CLVS1: variants seen among roughly 807,000 people sequenced by gnomAD.
CLVS1 encodes clavesin-1.
In CLVS1, 10 loss-of-function variants were observed where a neutral mutation model predicts 33.1. The ratio of observed to expected loss-of-function variants is 0.30; its 90% confidence interval spans 0.19 to 0.51. The LOEUF is 0.51. Among genes scored for constraint, CLVS1 ranks in the 20% least tolerant of loss-of-function variants. The pLI, the probability that CLVS1 is intolerant of heterozygous loss-of-function variation, is 0.97. For synonymous variants in CLVS1, 163 were observed against 166.1 expected, an observed-to-expected ratio of 0.98 and a Z score of 0.14; for missense variants, 343 against 433.4, an observed-to-expected ratio of 0.79 and a Z score of 1.85.
chr8:61,163,243 G>A (rs552763758), intron 2 of CLVS1, among the ~76,000 whole-genome samples: 7 of 152,196 alleles, frequency 4.6e-5, no homozygotes, highest in East Asian at 1.9e-4. Context: ...GTCTATTTCC[G>A]GGAGTGAATT....
At chr8:61,245,206 T>C (rs997233738) in intron 2 of CLVS1, among the ~76,000 whole-genome samples, 12 of 147,912 alleles carry the variant, frequency 8.1e-5, no homozygotes, top group Non-Finnish European at 1.6e-4. Flanking sequence ...TAGAGCTGTC[T>C]TTTTTTTTTC....
intron 3 of CLVS1, among the ~76,000 whole-genome samples, chr8:61,393,576 T>C (rs951328992): frequency 6.6e-6 from 1 of 152,196 alleles, no homozygotes; most frequent in Non-Finnish European, 1.5e-5. Flanking sequence ...GCTGTCCATA[T>C]TCTTTTTTTC....
the CLVS1 span, among the ~76,000 whole-genome samples, chr8:61,014,085 G>GTTTTT: frequency 2.8e-4 from 36 of 126,796 alleles, no homozygotes; most frequent in Middle Eastern, 4.3e-3. Context: ...ACTTTTTAGT[G>GTTTTT]TTTTTTTTTT....
At chr8:61,260,899 G>C (rs940822374) in intron 2 of CLVS1, among the ~76,000 whole-genome samples, 2 of 152,156 alleles carry the variant, frequency 1.3e-5, no homozygotes, top group African/African-American at 4.8e-5. Context: ...GAAACACAAA[G>C]CTTTGCAAAC....
At chr8:61,467,437 G>A (rs909944329) in intron 5 of CLVS1, among the ~76,000 whole-genome samples, 2 of 152,188 alleles carry the variant, frequency 1.3e-5, no homozygotes, top group Non-Finnish European at 2.9e-5. Context: ...AAAAATAAAA[G>A]GGGGGACTCT....
intron 5 of CLVS1, among the ~76,000 whole-genome samples, chr8:61,483,436 T>G (rs1231811620): frequency 2.6e-5 from 4 of 152,124 alleles, no homozygotes; most frequent in Non-Finnish European, 5.9e-5. Flanking sequence ...GTTCTGAAAT[T>G]GATGCAATAA....
the CLVS1 span, among the ~76,000 whole-genome samples, chr8:60,975,106 G>GA: frequency 6.6e-6 from 1 of 152,084 alleles, no homozygotes; most frequent in Admixed American, 6.5e-5. Context: ...TTGGAATGGG[G>GA]AAAAAGGAGG....
chr8:61,083,774 G>C (rs1805069298), intron 1 of CLVS1, among the ~76,000 whole-genome samples: 2 of 152,060 alleles, frequency 1.3e-5, no homozygotes, highest in Non-Finnish European at 2.9e-5. Context: ...AAAAGATGGA[G>C]ATGGAGGAAA....
chr8:61,485,602 C>T (rs994990263), intron 5 of CLVS1, among the ~76,000 whole-genome samples: 3 of 152,174 alleles, frequency 2.0e-5, no homozygotes, highest in Non-Finnish European at 4.4e-5. Flanking sequence ...TGGGAATATA[C>T]CCAAAGGATT....
chr8:61,114,051 C>G (rs532115333), intron 1 of CLVS1, among the ~76,000 whole-genome samples: 1 of 152,246 alleles, frequency 6.6e-6, no homozygotes. Flanking sequence ...CTTGCAAAAG[C>G]AACCACAGAT....
chr8:60,967,385 C>T, the CLVS1 span, among the ~76,000 whole-genome samples: 315 of 152,304 alleles, frequency 2.1e-3, 4 homozygotes, highest in African/African-American at 7.2e-3. Flanking sequence ...AGAAAACTCA[C>T]TGGAGAAAGA....
intron 2 of CLVS1, among the ~76,000 whole-genome samples, chr8:61,273,204 C>T: frequency 6.6e-6 from 1 of 150,632 alleles, no homozygotes; most frequent in African/African-American, 2.4e-5. Flanking sequence ...AGTTTTCCTT[C>T]TAACAGACAG....
chr8:61,046,664 T>C, the CLVS1 span, among the ~76,000 whole-genome samples: 1 of 152,080 alleles, frequency 6.6e-6, no homozygotes, highest in Non-Finnish European at 1.5e-5. Context: ...TTTTATTTCA[T>C]TGAGCAGTGG....
intron 1 of CLVS1, among the ~76,000 whole-genome samples, chr8:61,093,353 A>T (rs1490633730): frequency 1.3e-5 from 2 of 152,192 alleles, no homozygotes; most frequent in African/African-American, 4.8e-5. Flanking sequence ...AACAATTTGT[A>T]ATGCAGCCTC....
the CLVS1 span, among the ~76,000 whole-genome samples, chr8:61,013,850 C>T: frequency 1.1e-4 from 17 of 152,298 alleles, no homozygotes; most frequent in African/African-American, 2.2e-4. Context: ...CAGCTGCCCT[C>T]GCCAAGGTTG....
the CLVS1 span, among the ~76,000 whole-genome samples, chr8:60,971,083 T>C: frequency 7.1e-6 from 1 of 140,696 alleles, no homozygotes; most frequent in Admixed American, 7.1e-5. Context: ...TTTTTTTTTT[T>C]TTTTTTTTTT....
chr8:61,402,544 A>G (rs1814812589), intron 3 of CLVS1, among the ~76,000 whole-genome samples: 1 of 152,200 alleles, frequency 6.6e-6, no homozygotes, highest in Non-Finnish European at 1.5e-5. Context: ...ACGTACACAC[A>G]CGATTCAATG....
At chr8:61,114,215 C>G (rs1234174594) in intron 1 of CLVS1, among the ~76,000 whole-genome samples, 1 of 152,222 alleles carries the variant, frequency 6.6e-6, no homozygotes, top group Non-Finnish European at 1.5e-5. Flanking sequence ...AGTTTTCAGG[C>G]TTTACAACAG....
At chr8:61,378,846 A>G (rs1813753223) in intron 3 of CLVS1, among the ~76,000 whole-genome samples, 1 of 152,196 alleles carries the variant, frequency 6.6e-6, no homozygotes, top group Non-Finnish European at 1.5e-5. Context: ...CTCTCCTAGC[A>G]ACTTTTTTCA....
Sources: gnomAD v4.1 joint callset for allele counts (sites outside exome capture counted in the v4.1 genomes callset) on GRCh38, gnomAD v4.1.1 for gene constraint, MANE v1.5 for transcripts, NCBI Gene and HGNC (gene_info 2026-07-23, HGNC 2026-07-21) for gene names.